The following EMC3 variants were observed in gnomAD, a reference collection of about 807,000 sequenced individuals.
The protein encoded by EMC3 is ER membrane protein complex subunit 3, also known as 30 kDa protein.
A neutral mutation model predicts 36.6 loss-of-function variants in EMC3; 13 were observed. The observed-to-expected ratio is 0.35, with a 90% CI of 0.23 to 0.56. The LOEUF is 0.56. EMC3 is among the 20% of genes least tolerant of loss of function. The pLI, the probability that EMC3 is intolerant of heterozygous loss-of-function variation, is 0.84. For missense variants in EMC3, 220 were observed against 324.5 expected, an observed-to-expected ratio of 0.68 and a Z score of 2.47; for synonymous variants, 120 against 111.9, an observed-to-expected ratio of 1.07 and a Z score of -0.46.
intron 1 of EMC3, among the ~76,000 whole-genome samples, chr3:9,984,042 C>T (rs556042813): frequency 4.0e-5 from 6 of 151,526 alleles, no homozygotes; most frequent in South Asian, 2.1e-4. Context: ...TTCCCCACTT[C>T]GCACTTTTCT....
At chr3:9,980,316 G>C (rs1345262360) in intron 1 of EMC3, among the ~76,000 whole-genome samples, 1 of 151,580 alleles carries the variant, frequency 6.6e-6, no homozygotes, top group Non-Finnish European at 1.5e-5. Context: ...GCCCAGCCAG[G>C]TCCCACTGTA....
intron 1 of EMC3, chr3:10,008,411 G>A (rs769880411): frequency 2.0e-5 from 28 of 1,367,508 alleles, no homozygotes; most frequent in African/African-American, 4.4e-5. Context: ...TACCTGGGCC[G>A]GCATGCAGGC....
intron 7 of EMC3, among the ~76,000 whole-genome samples, chr3:9,966,249 G>C (rs1349198308): frequency 6.7e-6 from 1 of 148,976 alleles, no homozygotes; most frequent in African/African-American, 2.5e-5. Context: ...TTGAGATGGA[G>C]TCTCGCTCTG....
chr3:9,988,397 G>C (rs2086004796), upstream of EMC3: 9 of 1,270,410 alleles, frequency 7.1e-6, no homozygotes, highest in South Asian at 1.1e-4. Flanking sequence ...AGAAAGCAGC[G>C]GTCAGAACCG....
intron 6 of EMC3, among the ~76,000 whole-genome samples, chr3:9,970,156 T>G (rs915245987): frequency 6.6e-6 from 1 of 152,250 alleles, no homozygotes; most frequent in Non-Finnish European, 1.5e-5. Context: ...AAGTCCTTAT[T>G]TACAGATAAG....
chr3:9,989,900 C>T (rs1263517441), upstream of EMC3, among the ~76,000 whole-genome samples: 1 of 150,718 alleles, frequency 6.6e-6, no homozygotes, highest in African/African-American at 2.4e-5. Context: ...AGAAGTGGAG[C>T]ATTCAGTTAA....
intron 6 of EMC3, 113 bp from the exon 7 acceptor site, chr3:9,969,914 T>G: frequency 6.8e-7 from 1 of 1,478,020 alleles, no homozygotes; most frequent in Admixed American, 2.5e-5. Flanking sequence ...CCTCACTGGC[T>G]GGCCCTGTCA....
chr3:9,991,678 C>A (rs1299130506), upstream of EMC3, among the ~76,000 whole-genome samples: 3 of 152,160 alleles, frequency 2.0e-5, no homozygotes, highest in Non-Finnish European at 4.4e-5. Flanking sequence ...TCATGCCCAG[C>A]CTGATTATCC....
chr3:9,985,767 G>A (rs946290971), intron 1 of EMC3, among the ~76,000 whole-genome samples: 1 of 152,022 alleles, frequency 6.6e-6, no homozygotes, highest in African/African-American at 2.4e-5. Context: ...GGTGGTGCGG[G>A]CCTGTAATCC....
At chr3:9,971,580 C>T (rs988702325) in intron 5 of EMC3, among the ~76,000 whole-genome samples, 14 of 152,154 alleles carry the variant, frequency 9.2e-5, no homozygotes, top group African/African-American at 2.4e-4. Context: ...TCCAGTCTCG[C>T]GTCTGTCCAT....
At chr3:9,985,086 G>C (rs748135536) in intron 1 of EMC3, among the ~76,000 whole-genome samples, 1 of 152,172 alleles carries the variant, frequency 6.6e-6, no homozygotes, top group Non-Finnish European at 1.5e-5. Context: ...CTAAACTTCA[G>C]TCACTCTCAT....
chr3:9,989,961 CTTTT>C (rs75432385), upstream of EMC3, among the ~76,000 whole-genome samples: 2 of 133,674 alleles, frequency 1.5e-5, no homozygotes, highest in African/African-American at 2.8e-5. Flanking sequence ...GCCTTTTTAA[CTTTT>C]TTTTTTTTTT....
Position 9,992,719 on chromosome 3 carries a change from T to C in EMC3, c.-241-5817A>G, listed in dbSNP as rs72492986. 18 of 586,976 alleles carry C rather than the reference T, an allele frequency of 3.1e-5. No individual in the cohort carries two copies. The East Asian group carries it at 4.9e-4, about 16-fold the overall frequency. The allele number at this position is 586,976 out of a possible 1,614,324, so 36.4% of individuals were successfully genotyped here. On this transcript the variant is annotated intron_variant, in intron 1 of 8. Coordinates refer to the EMC3 transcript ENST00000470827. ...TGGCACTTTATTTCTTTAAAAAATA[T>C]TTCTGGGTTTTGTGAAAAGTGTAGA... is the stretch of plus-strand genomic sequence containing the variant.
At chr3:9,988,106 A>C (rs2086000866), upstream of EMC3, 1 of 555,964 alleles carries the variant, frequency 1.8e-6, no homozygotes, top group African/African-American at 1.9e-5. Flanking sequence ...ACTTACAACT[A>C]CAAATAATGG....
chr3:9,964,192 CTCTG>C lies in EMC3; in HGVS notation c.659_662del (p.Thr220SerfsTer7). On this transcript the variant is annotated frameshift_variant and splice_region_variant, in exon 8 of 8. Transcript: ENST00000245046. LOFTEE classifies it high-confidence loss of function. ...GATCCGTCAGCTCCAAAGCTTCCCA[CTCTG>C]TCTGTAATGGAAGAGAACACCCAGG... The C allele has an allele frequency of 6.2e-7, 1 of 1,614,106 alleles. No individual in the cohort carries two copies. The highest frequency in any genetic ancestry group is 8.5e-7 in the Non-Finnish European group (1 of 1,179,998).
Position 9,977,381 on chromosome 3 carries a change from A to G in EMC3, c.213+8T>C, listed in dbSNP as rs781768014. On this transcript the variant is annotated splice_region_variant and intron_variant, in intron 2 of 7. Transcript: ENST00000245046. ...CGTGGAGCTTTTTAATAAAAGATAA[A>G]TGAGTACCTGTTTGGGAATGTATTT... 1.9e-6 allele frequency: 3 copies of G among 1,609,856 alleles called. No homozygotes were observed. The South Asian group carries it at 3.3e-5, about 18-fold the overall frequency.
chr3:9,969,363 G>C (rs748831918), intron 7 of EMC3: 5 of 1,122,836 alleles, frequency 4.5e-6, no homozygotes, highest in South Asian at 2.1e-5. Flanking sequence ...TTGTGAAAAG[G>C]CTCTTAGTAT....
chr3:9,982,116 A>ATTT (rs1414639811), intron 1 of EMC3, among the ~76,000 whole-genome samples: 1 of 150,300 alleles, frequency 6.7e-6, no homozygotes, highest in Non-Finnish European at 1.5e-5. Context: ...ACCCCAGCTA[A>ATTT]TTTTTGTATT....
intron 2 of EMC3, 76 bp downstream of exon 2, chr3:9,977,312 GC>G (rs1175789560): frequency 1.5e-6 from 2 of 1,369,668 alleles, no homozygotes; most frequent in Non-Finnish European, 2.0e-6. Flanking sequence ...TTTCCCCAGA[GC>G]CCCCTTATAA....
Sources: allele counts gnomAD v4.1 joint callset (sites outside exome capture counted in the v4.1 genomes callset), GRCh38; gene constraint gnomAD v4.1.1; transcripts MANE v1.5; gene names NCBI Gene and HGNC (gene_info 2026-07-23, HGNC 2026-07-21).